The following LAGE3 variants were observed in gnomAD, a reference collection of about 807,000 sequenced individuals.
LAGE3 encodes L antigen family member 3, also known as EKC/KEOPS complex subunit LAGE3.
A neutral mutation model predicts 4.4 loss-of-function variants in LAGE3; 2 were observed. The observed-to-expected ratio is 0.46, with a 90% CI of 0.19 to 1.44. LAGE3 has a LOEUF of 1.44. Ranked by LOEUF, LAGE3 falls within the 40% of genes most tolerant of loss-of-function variation. The probability of loss-of-function intolerance (pLI) is 0.26; values close to 1 mark genes in which losing one functional copy is unlikely to be tolerated. For missense variants in LAGE3, 152 were observed against 138.1 expected (o/e 1.10, Z -0.51); for synonymous variants, 79 against 60.0 (o/e 1.32, Z -1.47).
chrX:154,478,194 C>G (rs2069250239), intron 2 of LAGE3, 89 bp downstream of exon 2: 1 of 1,146,880 alleles, frequency 8.7e-7, no homozygotes, highest in African/African-American at 1.8e-5. Context: ...ACCGGCCCAG[C>G]GCACCTGGCG....
intron 2 of LAGE3, 87 bp downstream of exon 2, chrX:154,478,196 C>CA: frequency 8.7e-7 from 1 of 1,156,010 alleles, no homozygotes; most frequent in Non-Finnish European, 1.2e-6. Context: ...CGGCCCAGCG[C>CA]ACCTGGCGCT....
chrX:154,478,468 T>G, intron 1 of LAGE3, 57 bp from the exon 2 acceptor site: 1 of 1,136,335 alleles, frequency 8.8e-7, no homozygotes, highest in Non-Finnish European at 1.2e-6. Context: ...GTCTCAGGCC[T>G]TCTTGCTCCT....
At position 154,477,778 on chromosome X, in the gene LAGE3, T is replaced by C. The variant is rs975948278; in HGVS notation, c.*166A>G. On this transcript the variant is annotated 3_prime_UTR_variant, in exon 3 of 3. Transcript: ENST00000357360. Reference sequence around the variant, plus strand: ...GCAAATAAACTCAGACTTGGAATAGTAGCGCAGTTTTATTTTCTGTAGTAA... The same window carrying C: ...GCAAATAAACTCAGACTTGGAATAGCAGCGCAGTTTTATTTTCTGTAGTAA... The C allele has an allele frequency of 1.2e-5, 5 of 421,875 alleles. No individual in the cohort carries two copies. The highest frequency in any genetic ancestry group is 2.7e-5 in the African/African-American group (1 of 37,680). 34.8% of individuals were successfully genotyped at this position (421,875 alleles called of 1,213,427 possible).
At position 154,478,920 on chromosome X, in the gene LAGE3, G is replaced by A. The variant is rs2069256524; in HGVS notation, c.-5C>T. ...GTCTGCATCCGCGTCCCGCATGACCGCCGCCGCGCCGCTCCGACTCCACCC... is the reference window on the plus strand; with the variant it reads ...GTCTGCATCCGCGTCCCGCATGACCACCGCCGCGCCGCTCCGACTCCACCC... On this transcript the variant is annotated 5_prime_UTR_variant, in exon 1 of 3. Coordinates refer to ENST00000357360, the MANE Select transcript of LAGE3 (RefSeq NM_006014.5). The A allele has an allele frequency of 1.0e-5, 9 of 904,244 alleles. No individual in the cohort carries two copies. The highest frequency in any genetic ancestry group is 1.3e-5 in the Non-Finnish European group (9 of 709,158). The allele number at this position is 904,244 out of a possible 1,213,427, so 74.5% of individuals were successfully genotyped here. A position where few individuals can be genotyped will look rare whatever the true frequency, so the allele number is the denominator to read the frequency against.
rs782207715 is a variant in LAGE3, at chrX:154,478,333, G to A, written c.267C>T (p.His89=). The part of the protein sequence containing the change: ...HGSLAPDAEP[H]QRVVGKDLTV... ...TGAGATCCTTCCCAACCACCCTTTG[G>A]TGGGGCTCGGCATCTGGTGCCAGGG... is the stretch of plus-strand genomic sequence containing the variant. Residue 89 remains histidine, a synonymous_variant, in exon 2 of 3, where the codon CAC becomes CAT. Coordinates refer to ENST00000357360, the MANE Select transcript of LAGE3 (RefSeq NM_006014.5). 1.7e-5 allele frequency: 21 copies of A among 1,209,765 alleles called. No individual in the cohort carries two copies. The South Asian group carries it at 3.7e-4, about 21-fold the overall frequency.
chrX:154,478,996 C>T lies in LAGE3; in HGVS notation c.-81G>A. 1 of 486,906 alleles carries T rather than the reference C, an allele frequency of 2.1e-6. No homozygotes were observed. Among genetic ancestry groups the T allele is most frequent in the East Asian group, 4.6e-5 (1 of 21,753 alleles). The allele number at this position is 486,906 out of a possible 1,213,427, so 40.1% of individuals were successfully genotyped here. A position where few individuals can be genotyped will look rare whatever the true frequency, so the allele number is the denominator to read the frequency against. On this transcript the variant is annotated 5_prime_UTR_variant, in exon 1 of 3. Coordinates refer to ENST00000357360, the MANE Select transcript of LAGE3 (RefSeq NM_006014.5). ...CCTCTCTGTGGCTCCTTCCCGAAGC[C>T]CCGCCCCCTGCGCACGACTCCGCCC...
Position 154,478,605 on chromosome X carries a change from G to A in LAGE3, c.188+123C>T, listed in dbSNP as rs1304976924. On this transcript the variant is annotated intron_variant, in intron 1 of 2. Coordinates refer to ENST00000357360, the MANE Select transcript of LAGE3 (RefSeq NM_006014.5). ...TCCCCTCCTCCGACCACCTCTGACCGTATACGCCAGCCCCGGTCCCCCCCT... is the reference window on the plus strand; with the variant it reads ...TCCCCTCCTCCGACCACCTCTGACCATATACGCCAGCCCCGGTCCCCCCCT... 1.9e-5 allele frequency: 18 copies of A among 964,413 alleles called. No individual in the cohort carries two copies. The African/African-American group carries it at 3.1e-4, about 17-fold the overall frequency. 79.5% of individuals were successfully genotyped at this position (964,413 alleles called of 1,213,427 possible).
Position 154,478,769 on chromosome X carries a change from G to A in LAGE3, c.147C>T (p.Ala49=). ...PAHAPGPGRD[A]ASAARGSRMR... The stretch of plus-strand genomic sequence containing the variant: ...TTCGTGACCCCCTGGCCGCAGACGC[G>A]GCGTCTCTGCCCGGACCTGGCGCGT... The change falls in exon 1 of 3, where the codon GCC becomes GCT. Residue 49 remains alanine, a synonymous_variant. Transcript: ENST00000357360. The A allele has an allele frequency of 8.9e-7, 1 of 1,124,610 alleles. No homozygotes were observed. Among genetic ancestry groups the A allele is most frequent in the Non-Finnish European group, 1.2e-6 (1 of 861,107 alleles). 92.7% of individuals were successfully genotyped at this position (1,124,610 alleles called of 1,213,427 possible). A position where few individuals can be genotyped will look rare whatever the true frequency, so the allele number is the denominator to read the frequency against.
rs2069251206 is a variant in LAGE3 at position 154,478,311 on chromosome X, G to A, written c.289C>T (p.Leu97Phe). The A allele has an allele frequency of 8.3e-7, 1 of 1,211,248 alleles. No individual in the cohort carries two copies. ...ACCAGGATCCTGCCACTCACTGTGA[G>A]ATCCTTCCCAACCACCCTTTGGTGG... ...EPHQRVVGKDLTVSGRILVVR... is the reference protein window; with the variant it reads ...EPHQRVVGKDFTVSGRILVVR... The change falls in exon 2 of 3, where the codon CTC becomes TTC. Residue 97 changes from leucine (L) to phenylalanine (F), a missense_variant. Transcript: ENST00000357360.
rs1302746584 is a variant in LAGE3 at position 154,478,042 on chromosome X, C to T, written c.334G>A (p.Asp112Asn). 8.3e-6 allele frequency: 10 copies of T among 1,209,231 alleles called. No individual in the cohort carries two copies. The African/African-American group carries it at 1.6e-4, about 19-fold the overall frequency. The change falls in exon 3 of 3, where the codon GAC becomes AAC. Residue 112 changes from aspartate (D) to asparagine (N), a missense_variant. Physicochemically the swap from Asp to Asn is conservative, Grantham distance 23. Transcript: ENST00000357360. Reference protein sequence around the residue: ...RILVVRWKAEDCRLLRISVIN... With the variant: ...RILVVRWKAENCRLLRISVIN... The stretch of plus-strand genomic sequence containing the variant: ...ACGGAAATTCGGAGCAGGCGACAGT[C>T]TTCAGCTTTCCAGCGGCTAAAAGTG...
intron 2 of LAGE3, 34 bp downstream of exon 2, chrX:154,478,249 C>T (rs1557211299): frequency 2.5e-6 from 3 of 1,203,148 alleles, no homozygotes; most frequent in Admixed American, 4.4e-5. Flanking sequence ...CTCCATGGGC[C>T]GCCTCCCCCA....
At position 154,478,269 on chromosome X, in the gene LAGE3, C is replaced by T; in HGVS notation, c.317+14G>A. The stretch of plus-strand genomic sequence containing the variant: ...TGGGCCGCCTCCCCCAACCCCGTCC[C>T]TTTCAGAACTTACACGACCAGGATC... On this transcript the variant is annotated intron_variant, in intron 2 of 2. Coordinates refer to ENST00000357360, the MANE Select transcript of LAGE3 (RefSeq NM_006014.5). 8.3e-7 allele frequency: 1 copy of T among 1,210,372 alleles called. No homozygotes were observed. Among genetic ancestry groups the T allele is most frequent in the Non-Finnish European group, 1.1e-6 (1 of 895,014 alleles).
rs782088780 is a variant in LAGE3 at position 154,478,839 on chromosome X, C to G, written c.77G>C (p.Gly26Ala). The G allele has an allele frequency of 1.4e-5, 15 of 1,067,961 alleles. 1 individual carries two copies. In the South Asian group the frequency reaches 3.3e-4, roughly 23 times the overall value. 88.0% of individuals were successfully genotyped at this position (1,067,961 alleles called of 1,213,427 possible). A position where few individuals can be genotyped will look rare whatever the true frequency, so the allele number is the denominator to read the frequency against. Residue 26 changes from glycine to alanine, a missense_variant, in exon 1 of 3, where the codon GGC (glycine) becomes GCC (alanine). Transcript: ENST00000357360. ...GGCCGGAGCTGCGGCTGTGTCCACG[C>G]CCCCGCGGCAGCTGTGGCCACCCCG... is the stretch of plus-strand genomic sequence containing the variant. ...DGRGGHSCRG[G>A]VDTAAAPAGG...
intron 1 of LAGE3, 46 bp downstream of exon 1, chrX:154,478,682 C>G (rs782187248): frequency 1.6e-5 from 14 of 872,164 alleles, no homozygotes; most frequent in Non-Finnish European, 1.8e-5. Context: ...CTCCCCGAGT[C>G]CAGCCCTCGC....
Position 154,478,419 on chromosome X carries a change from T to C in LAGE3, c.189-8A>G. The C allele has an allele frequency of 8.5e-7, 1 of 1,178,441 alleles. No individual in the cohort carries two copies. The highest frequency in any genetic ancestry group is 1.1e-6 in the Non-Finnish European group (1 of 880,312). ...AAAGGCACGCTGAGGGTGCTGGGGG[T>C]CATTCGGTTAAGGTGCCATCTGATA... On this transcript the variant is annotated splice_region_variant and splice_polypyrimidine_tract_variant and intron_variant, in intron 1 of 2. Coordinates refer to ENST00000357360, the MANE Select transcript of LAGE3 (RefSeq NM_006014.5).
In LAGE3 at chrX:154,477,942, GC is replaced by G. The variant is rs782608001; in HGVS notation, c.*1del. 2 of 1,207,525 alleles carry G rather than the reference GC, an allele frequency of 1.7e-6. No homozygotes were observed. Among genetic ancestry groups the G allele is most frequent in the Non-Finnish European group, 2.2e-6 (2 of 891,335 alleles). The stretch of plus-strand genomic sequence containing the variant: ...ACCTCGCTCCATTTGCCCAGGCCAG[GC>G]TTAGCGGGAAACGGGGGGCCCAAAG... On this transcript the variant is annotated 3_prime_UTR_variant, in exon 3 of 3. Transcript: ENST00000357360.
In LAGE3 at chrX:154,478,018, C is replaced by G. The variant is rs781833456; in HGVS notation, c.358G>C (p.Val120Leu). The change falls in exon 3 of 3, where the codon GTC becomes CTC. Residue 120 changes from valine to leucine, a missense_variant. Physicochemically the swap from Val to Leu is conservative, Grantham distance 32. Transcript: ENST00000357360. ...AEDCRLLRIS[V>L]INFLDQLSLV... ...GAAAGCTGGTCAAGAAAGTTGATGA[C>G]GGAAATTCGGAGCAGGCGACAGTCT... 2 of 1,210,727 alleles carry G rather than the reference C, an allele frequency of 1.7e-6. No homozygotes were observed. Among genetic ancestry groups the G allele is most frequent in the Admixed American group, 2.2e-5 (1 of 45,953 alleles).
At chrX:154,478,466 C>T in intron 1 of LAGE3, 55 bp from the exon 2 acceptor site, 2 of 1,137,536 alleles carry the variant, frequency 1.8e-6, no homozygotes, top group Non-Finnish European at 2.3e-6. Context: ...ATGTCTCAGG[C>T]CTTCTTGCTC....
Position 154,478,860 on chromosome X carries a change from C to T in LAGE3, c.56G>A (p.Gly19Asp), listed in dbSNP as rs1042444602. ...CACGCCCCCGCGGCAGCTGTGGCCA[C>T]CCCGGCCATCCCCGCCGTCAGCGCC... ...GGGADGGDGR[G>D]GHSCRGGVDT... is the part of the protein sequence containing the mutation. Residue 19 changes from glycine to aspartate, a missense_variant, in exon 1 of 3, where the codon GGT becomes GAT. Physicochemically the swap from Gly to Asp is moderately conservative, Grantham distance 94. Transcript: ENST00000357360. 4.9e-6 allele frequency: 5 copies of T among 1,017,121 alleles called. No homozygotes were observed. In the East Asian group the frequency reaches 1.6e-4, roughly 33 times the overall value. 83.8% of individuals were successfully genotyped at this position (1,017,121 alleles called of 1,213,427 possible).
Sources: gnomAD v4.1 joint callset for allele counts on GRCh38, gnomAD v4.1.1 for gene constraint, MANE v1.5 for transcripts, NCBI Gene and HGNC (gene_info 2026-07-23, HGNC 2026-07-21) for gene names.